Variants in NKD1 observed in about 807,000 individuals in gnomAD.
The protein encoded by NKD1 is NKD inhibitor of Wnt signaling pathway 1, also known as protein naked cuticle homolog 1.
In NKD1, 21 loss-of-function variants were observed where a neutral mutation model predicts 56.0. The observed-to-expected ratio is 0.38, with a 90% CI of 0.27 to 0.54. NKD1 has a LOEUF of 0.54. NKD1 is among the 20% of genes least tolerant of loss of function. The pLI, the probability that NKD1 is intolerant of heterozygous loss-of-function variation, is 0.82. For missense variants in NKD1, 578 were observed against 642.7 expected (o/e 0.90, Z 1.09); for synonymous variants, 263 against 265.7 (o/e 0.99, Z 0.10).
At position 50,648,061 on chromosome 16, in the gene NKD1, C is replaced by CAAA. The variant is rs1962712133; in HGVS notation, c.*14280_*14281insAAA. The CAAA allele has an allele frequency of 6.6e-6, 1 of 152,296 alleles. No individual in the cohort carries two copies. The highest frequency in any genetic ancestry group is 1.5e-5 in the Non-Finnish European group (1 of 68,084). The allele number at this position is 152,296 out of a possible 1,614,324, so 9.4% of individuals were successfully genotyped here. ...ACCCTGCCAGCAACCTGGGTGATTT[C>CAAA]CGCAGGTGTCTGAACCCCGATCTCT... On this transcript the variant is annotated 3_prime_UTR_variant, in exon 10 of 10. Transcript: ENST00000268459.
At chr16:50,626,474 G>A (rs1258181777) in intron 6 of NKD1, among the ~76,000 whole-genome samples, 1 of 152,088 alleles carries the variant, frequency 6.6e-6, no homozygotes, top group African/African-American at 2.4e-5. Context: ...GAGGCGGCAA[G>A]GGAGCTGAGA....
At chr16:50,628,440 G>T (rs963785551) in intron 6 of NKD1, among the ~76,000 whole-genome samples, 1 of 152,206 alleles carries the variant, frequency 6.6e-6, no homozygotes, top group Non-Finnish European at 1.5e-5. Context: ...GTGAAGGATT[G>T]CTGGGCAGGT....
Position 50,632,659 on chromosome 16 carries a change from G to A in NKD1, c.823+251G>A, listed in dbSNP as rs924481689. On this transcript the variant is annotated intron_variant, in intron 9 of 9. Coordinates refer to ENST00000268459, the MANE Select transcript of NKD1 (RefSeq NM_033119.5). This position sits in a 1 kb window ranked among gnomAD's most constrained non-coding sequence, Gnocchi z 4.1. ...ACCCAATGACAAACAACAGTTTTGT[G>A]CCCCATCCCAGCCCACCCAAGCCCT... 2.0e-5 allele frequency among the ~76,000 whole-genome samples: 3 copies of A among 152,108 alleles called. No homozygotes were observed. Among genetic ancestry groups the A allele is most frequent in the Non-Finnish European group, 4.4e-5 (3 of 68,010 alleles).
intron 3 of NKD1, among the ~76,000 whole-genome samples, chr16:50,568,360 C>G (rs1596710869): frequency 6.6e-6 from 1 of 152,186 alleles, no homozygotes; most frequent in Admixed American, 6.5e-5. Context: ...CTATGGGGGG[C>G]CCCAGCTGGA....
rs140763138 is a variant in NKD1 at position 50,565,819 on chromosome 16, T to C, written c.192+16264T>C. On this transcript the variant is annotated intron_variant, in intron 3 of 9. Coordinates refer to ENST00000268459, the MANE Select transcript of NKD1 (RefSeq NM_033119.5). ...CTTTTTAAACTTATCTTGGAAATCA[T>C]TTCATATCAGAATGTATAATCTTAT... Among the ~76,000 whole-genome samples the C allele has an allele frequency of 2.4e-3, 368 of 152,366 alleles. 1 individual carries two copies. Among genetic ancestry groups the C allele is most frequent in the Middle Eastern group, 6.8e-3 (2 of 294 alleles).
intron 3 of NKD1, among the ~76,000 whole-genome samples, chr16:50,554,908 C>T (rs1960469562): frequency 6.6e-6 from 1 of 152,198 alleles, no homozygotes; most frequent in Non-Finnish European, 1.5e-5. Context: ...ATGTGAGCCA[C>T]CACACTTGGC....
chr16:50,599,464 C>T (rs961545962), intron 3 of NKD1, among the ~76,000 whole-genome samples: 1 of 152,208 alleles, frequency 6.6e-6, no homozygotes, highest in Non-Finnish European at 1.5e-5. Context: ...GAGTGAGTCA[C>T]TTAACCTCTC....
At position 50,621,598 on chromosome 16, in the gene NKD1, A is replaced by G. The variant is rs1314727060; in HGVS notation, c.260-4A>G. 1.2e-6 allele frequency: 2 copies of G among 1,611,922 alleles called. No individual in the cohort carries two copies. Among genetic ancestry groups the G allele is most frequent in the African/African-American group, 2.7e-5 (2 of 74,908 alleles). ...TAATGCTCCCTCGCCTGCCTCCCCG[A>G]CAGTGGCCCTGCCTCCTGAGAAGAC... On this transcript the variant is annotated splice_region_variant and splice_polypyrimidine_tract_variant and intron_variant, in intron 4 of 9. Transcript: ENST00000268459.
intron 3 of NKD1, among the ~76,000 whole-genome samples, chr16:50,590,290 T>C (rs1450368819): frequency 1.3e-5 from 2 of 152,202 alleles, no homozygotes; most frequent in African/African-American, 4.8e-5. Flanking sequence ...GTTCAAATAA[T>C]ATTAGAACAC....
At chr16:50,562,322 G>A in intron 3 of NKD1, 1 of 963,370 alleles carries the variant, frequency 1.0e-6, no homozygotes, top group Non-Finnish European at 1.2e-6. Context: ...ATCTGCAGGT[G>A]CATAGAGAAA....
At chr16:50,574,236 A>G (rs1960944704) in intron 3 of NKD1, 5 of 984,982 alleles carry the variant, frequency 5.1e-6, no homozygotes, top group Non-Finnish European at 1.2e-6. Flanking sequence ...AAATGGGTAT[A>G]CCTCCCTTGT....
Position 50,634,676 on chromosome 16 carries a change from G to A in NKD1, c.*895G>A, listed in dbSNP as rs1216122222. 1.3e-5 allele frequency: 2 copies of A among 152,320 alleles called. No homozygotes were observed. The highest frequency in any genetic ancestry group is 1.3e-4 in the Admixed American group (2 of 15,276). 9.4% of individuals were successfully genotyped at this position (152,320 alleles called of 1,614,324 possible). A position where few individuals can be genotyped will look rare whatever the true frequency, so the allele number is the denominator to read the frequency against. The stretch of plus-strand genomic sequence containing the variant: ...GAGCTTTCTGTATCTATAGATAGAT[G>A]CCATCTGTCCATTTCTATGTATCTT... On this transcript the variant is annotated 3_prime_UTR_variant, in exon 10 of 10. Coordinates refer to ENST00000268459, the MANE Select transcript of NKD1 (RefSeq NM_033119.5).
At chr16:50,596,152 T>C (rs1006217335) in intron 3 of NKD1, among the ~76,000 whole-genome samples, 6 of 152,136 alleles carry the variant, frequency 3.9e-5, no homozygotes, top group Non-Finnish European at 5.9e-5. Flanking sequence ...TGTGGCCTCT[T>C]TGTGGCCTGG....
intron 4 of NKD1, among the ~76,000 whole-genome samples, chr16:50,621,359 G>T (rs1343984798): frequency 6.6e-6 from 1 of 152,214 alleles, no homozygotes; most frequent in Non-Finnish European, 1.5e-5. Flanking sequence ...TCATAGGCTG[G>T]TGGGGGCCTG....
At position 50,636,100 on chromosome 16, in the gene NKD1, C is replaced by G. The variant is rs550149947; in HGVS notation, c.*2319C>G. The G allele has an allele frequency of 5.3e-5, 8 of 152,236 alleles. No individual in the cohort carries two copies. Among genetic ancestry groups the G allele is most frequent in the Non-Finnish European group, 1.0e-4 (7 of 68,066 alleles). 9.4% of individuals were successfully genotyped at this position (152,236 alleles called of 1,614,324 possible). On this transcript the variant is annotated 3_prime_UTR_variant, in exon 10 of 10. Transcript: ENST00000268459. ...GGCAGGATTCTGCTTGGCTGGGCTT[C>G]GATCTGGTACCCATAGCTGGACCAA...
Position 50,643,953 on chromosome 16 carries a change from T to C in NKD1, c.*10172T>C. ...CTGGGGAGCATTTTAAGCAGCCAAA[T>C]CACCAACACAAAGCACAAACATGCA... On this transcript the variant is annotated 3_prime_UTR_variant, in exon 10 of 10. Transcript: ENST00000268459. The C allele has an allele frequency of 6.6e-6, 1 of 152,170 alleles. No homozygotes were observed. The highest frequency in any genetic ancestry group is 2.1e-4 in the South Asian group (1 of 4,834). The allele number at this position is 152,170 out of a possible 1,614,324, so 9.4% of individuals were successfully genotyped here.
rs1335783863 is a variant in NKD1, at chr16:50,623,255, C to T, written c.366+1547C>T. On this transcript the variant is annotated intron_variant, in intron 5 of 9. Coordinates refer to ENST00000268459, the MANE Select transcript of NKD1 (RefSeq NM_033119.5). The surrounding 1 kb of genome is among the most constrained non-coding windows in gnomAD (Gnocchi z 4.1). ...CCCCCTTTCCAGTGTCATCTCCCTGCCATGCCCCACCATCCTGCACAGGCC... is the reference window on the plus strand; with the variant it reads ...CCCCCTTTCCAGTGTCATCTCCCTGTCATGCCCCACCATCCTGCACAGGCC... 1.3e-5 allele frequency among the ~76,000 whole-genome samples: 2 copies of T among 152,032 alleles called. No homozygotes were observed. Among genetic ancestry groups the T allele is most frequent in the Non-Finnish European group, 2.9e-5 (2 of 67,970 alleles).
At position 50,633,228 on chromosome 16, in the gene NKD1, C is replaced by G. The variant is rs749380822; in HGVS notation, c.860C>G (p.Pro287Arg). Residue 287 changes from proline (P) to arginine (R), a missense_variant, in exon 10 of 10, where the codon CCC becomes CGC. Physicochemically the swap from Pro to Arg is moderately radical, Grantham distance 103. Transcript: ENST00000268459. This position sits in a 1 kb window ranked among gnomAD's most constrained non-coding sequence, Gnocchi z 4.9. ...PSVAQKSELP[P>R]RTSNPTRSRS... ...GTGGCCCAGAAGTCAGAACTGCCCC[C>G]CCGCACCTCCAATCCCACTCGATCT... The G allele has an allele frequency of 3.1e-6, 5 of 1,612,238 alleles. No individual in the cohort carries two copies. The South Asian group carries it at 3.3e-5, about 11-fold the overall frequency.
intron 7 of NKD1, 76 bp downstream of exon 7, chr16:50,630,409 C>A: frequency 6.6e-7 from 1 of 1,513,800 alleles, no homozygotes; most frequent in Non-Finnish European, 9.0e-7. Flanking sequence ...CTGGGAGGGC[C>A]GGAAGGGAAC....
Sources: gnomAD v4.1 joint callset for allele counts (sites outside exome capture counted in the v4.1 genomes callset) on GRCh38, gnomAD v4.1.1 for gene constraint, Gnocchi (gnomAD v3.1) non-coding constraint, MANE v1.5 for transcripts, NCBI Gene and HGNC (gene_info 2026-07-23, HGNC 2026-07-21) for gene names.